UGT1A8: variants seen among roughly 807,000 people sequenced by gnomAD.
UGT1A8 encodes the protein UDP glucuronosyltransferase family 1 member A8, also known as UDP-glucuronosyltransferase 1A8.
Under a neutral mutation model 45.3 loss-of-function variants are expected in UGT1A8, and 39 were observed. The observed-to-expected ratio is 0.86, with a 90% confidence interval of 0.67 to 1.12. The LOEUF is 1.12. UGT1A8 is among the 50% of genes most tolerant of loss of function. The probability of loss-of-function intolerance (pLI) is 0.00; values close to 1 mark genes in which losing one functional copy is unlikely to be tolerated. For missense variants in UGT1A8, 719 were observed against 664.9 expected, an observed-to-expected ratio of 1.08 and a Z score of -0.90; for synonymous variants, 275 against 249.2, an observed-to-expected ratio of 1.10 and a Z score of -0.97.
intron 1 of UGT1A8, among the ~76,000 whole-genome samples, chr2:233,667,321 C>T (rs1390315548): frequency 6.6e-6 from 1 of 152,162 alleles, no homozygotes; most frequent in East Asian, 1.9e-4. Context: ...GGAAAACTGG[C>T]TAGCCATTTG....
intron 1 of UGT1A8, among the ~76,000 whole-genome samples, chr2:233,705,227 T>G (rs1012532706): frequency 6.6e-6 from 1 of 152,202 alleles, no homozygotes; most frequent in Non-Finnish European, 1.5e-5. Flanking sequence ...TTATCAGTGC[T>G]TTTTTTCTGT....
intron 1 of UGT1A8, among the ~76,000 whole-genome samples, chr2:233,618,847 A>T (rs1029796923): frequency 6.6e-6 from 1 of 152,180 alleles, no homozygotes; most frequent in African/African-American, 2.4e-5. Context: ...TAAGAAATTG[A>T]ACTTTCCTTT....
intron 1 of UGT1A8, among the ~76,000 whole-genome samples, chr2:233,678,254 C>A (rs1238756940): frequency 1.3e-5 from 2 of 152,194 alleles, no homozygotes. Context: ...CCCCAAACAT[C>A]AGCATCACAC....
At chr2:233,660,265 A>T (rs974702785) in intron 1 of UGT1A8, among the ~76,000 whole-genome samples, 9 of 152,154 alleles carry the variant, frequency 5.9e-5, no homozygotes, top group African/African-American at 2.2e-4. Flanking sequence ...CATAGTGTTG[A>T]CAATCCTTTC....
At chr2:233,661,632 T>TTTCTTTTCTTTCTTTCC (rs2073967976) in intron 1 of UGT1A8, among the ~76,000 whole-genome samples, 5 of 121,306 alleles carry the variant, frequency 4.1e-5, no homozygotes, top group Admixed American at 3.5e-4. Flanking sequence ...ATTTTCTTTC[T>TTTCTTTTCTTTCTTTCC]TTCTTTCTTT....
intron 1 of UGT1A8, chr2:233,747,345 C>A (rs905208353): frequency 6.2e-7 from 1 of 1,602,546 alleles, no homozygotes; most frequent in South Asian, 1.1e-5. Flanking sequence ...GGCTCGCATG[C>A]GGGAGGCCGT....
chr2:233,762,210 G>A (rs190920095), intron 1 of UGT1A8, among the ~76,000 whole-genome samples: 9 of 152,170 alleles, frequency 5.9e-5, no homozygotes, highest in Non-Finnish European at 7.4e-5. Context: ...TGTATTTGGC[G>A]CCCCATAAAT....
chr2:233,707,545 T>A (rs1006083249), intron 1 of UGT1A8, among the ~76,000 whole-genome samples: 1 of 152,170 alleles, frequency 6.6e-6, no homozygotes, highest in African/African-American at 2.4e-5. Flanking sequence ...TGCCTTTTTT[T>A]TTTTTTTGGT....
intron 1 of UGT1A8, chr2:233,693,408 C>A (rs1198396462): frequency 6.2e-7 from 1 of 1,614,044 alleles, no homozygotes; most frequent in Non-Finnish European, 8.5e-7. Context: ...GACAGGGACA[C>A]CCTGAACTTC....
chr2:233,702,392 C>G (rs116752666), intron 1 of UGT1A8, among the ~76,000 whole-genome samples: 1,932 of 152,128 alleles, frequency 0.013, 42 homozygotes, highest in African/African-American at 0.043. Context: ...CATTCCAGAT[C>G]ATGTTATCTA....
At chr2:233,677,927 C>T (rs978065648) in intron 1 of UGT1A8, among the ~76,000 whole-genome samples, 1 of 151,818 alleles carries the variant, frequency 6.6e-6, no homozygotes, top group Admixed American at 6.6e-5. Context: ...CCTAGGTGCC[C>T]GTCAACAGTG....
chr2:233,728,938 C>T (rs1263603941), intron 1 of UGT1A8, among the ~76,000 whole-genome samples: 18 of 152,162 alleles, frequency 1.2e-4, no homozygotes, highest in Admixed American at 9.2e-4. Flanking sequence ...CGGTCTTTTC[C>T]AGGGTGGGGC....
At chr2:233,672,947 A>G (rs1442205815) in intron 1 of UGT1A8, among the ~76,000 whole-genome samples, 1 of 152,234 alleles carries the variant, frequency 6.6e-6, no homozygotes, top group Non-Finnish European at 1.5e-5. Flanking sequence ...ACTCGTCAGT[A>G]GCAAATTTTA....
intron 1 of UGT1A8, chr2:233,713,255 A>G (rs1242833896): frequency 6.2e-7 from 1 of 1,614,152 alleles, no homozygotes; most frequent in Admixed American, 1.7e-5. Flanking sequence ...CCCAGGACGA[A>G]TTTGATCGCC....
Position 233,649,034 on chromosome 2 carries a change from A to G in UGT1A8, c.855+30472A>G, listed in dbSNP as rs111276120. Reference sequence around the variant, plus strand: ...GGAAAGCCAGTGCCTATGGTAAGTCATTGCTCCTTTAGCACATTAAAAGTA... The same window carrying G: ...GGAAAGCCAGTGCCTATGGTAAGTCGTTGCTCCTTTAGCACATTAAAAGTA... On this transcript the variant is annotated intron_variant, in intron 1 of 4. Coordinates refer to ENST00000373450, the MANE Select transcript of UGT1A8 (RefSeq NM_019076.5). 1,053 of 1,199,054 alleles carry G rather than the reference A, an allele frequency of 8.8e-4. 5 individuals carry two copies. In the African/African-American group the frequency reaches 0.015, roughly 17 times the overall value. The allele number at this position is 1,199,054 out of a possible 1,614,324, so 74.3% of individuals were successfully genotyped here.
intron 1 of UGT1A8, chr2:233,754,420 G>A (rs2125925827): frequency 2.9e-6 from 1 of 342,686 alleles, no homozygotes; most frequent in East Asian, 7.5e-5. Context: ...ATAAAGACAG[G>A]CATTGGCATA....
intron 1 of UGT1A8, among the ~76,000 whole-genome samples, chr2:233,728,087 A>G (rs1166849113): frequency 6.6e-6 from 1 of 152,214 alleles, no homozygotes; most frequent in Non-Finnish European, 1.5e-5. Context: ...TCTCTCCTTT[A>G]GAAAGGCACA....
At chr2:233,728,376 T>C (rs1983023) in intron 1 of UGT1A8, among the ~76,000 whole-genome samples, 69,101 of 151,732 alleles carry the variant, frequency 0.46, 17,142 homozygotes, top group African/African-American at 0.66. Context: ...ACCATGGGTC[T>C]TTGCTAGGGT....
chr2:233,632,334 G>A (rs1167543068), intron 1 of UGT1A8, among the ~76,000 whole-genome samples: 3 of 151,944 alleles, frequency 2.0e-5, no homozygotes, highest in East Asian at 1.9e-4. Context: ...TTTTAGCTCC[G>A]TATGAACTTT....
Sources: allele counts gnomAD v4.1 joint callset (sites outside exome capture counted in the v4.1 genomes callset), GRCh38; gene constraint gnomAD v4.1.1; transcripts MANE v1.5; gene names NCBI Gene and HGNC (gene_info 2026-07-23, HGNC 2026-07-21).